Variants in DPP10 observed in about 807,000 individuals in gnomAD.
DPP10 encodes the protein dipeptidyl peptidase like 10, also known as inactive dipeptidyl peptidase 10.
In DPP10, 33 loss-of-function variants were observed where a neutral mutation model predicts 120.9. That is an observed-to-expected ratio of 0.27 (90% CI 0.21 to 0.37). The LOEUF is 0.37. Ranked by LOEUF, DPP10 falls within the 10% of genes least tolerant of loss-of-function variation. DPP10 has a pLI of 1.00. For missense variants in DPP10, 816 were observed against 942.8 expected (o/e 0.87, Z 1.76); for synonymous variants, 337 against 326.1 (o/e 1.03, Z -0.36).
intron 1 of DPP10, among the ~76,000 whole-genome samples, chr2:114,858,497 T>C (rs1168691167): frequency 6.6e-6 from 1 of 152,254 alleles, no homozygotes; most frequent in Non-Finnish European, 1.5e-5. Flanking sequence ...CACTTTCTCC[T>C]AGCCAACAGA....
At position 115,312,420 on chromosome 2, in the gene DPP10, A is replaced by G. The variant is rs571519473; in HGVS notation, c.175+3067A>G. On this transcript the variant is annotated intron_variant, in intron 2 of 25. Coordinates refer to ENST00000410059, the MANE Select transcript of DPP10 (RefSeq NM_020868.6). ...TGTCAGAGTAATACATAAGGCCAGA[A>G]GACTAATAGTTTGCAGCTCAAGACT... Among the ~76,000 whole-genome samples the G allele has an allele frequency of 6.6e-5, 10 of 152,314 alleles. No individual in the cohort carries two copies. The South Asian group carries it at 2.1e-3, about 32-fold the overall frequency.
At chr2:115,288,913 T>C (rs2060521341) in intron 1 of DPP10, among the ~76,000 whole-genome samples, 1 of 152,144 alleles carries the variant, frequency 6.6e-6, no homozygotes, top group African/African-American at 2.4e-5. Flanking sequence ...TCCCTACTTC[T>C]ATTCAACACA....
In DPP10 at chr2:115,553,941, T is replaced by C. The variant is rs532466931; in HGVS notation, c.441+27969T>C. On this transcript the variant is annotated intron_variant, in intron 5 of 25. Transcript: ENST00000410059. Reference sequence around the variant, plus strand: ...TCAATGTTTCAGGTGAAGTGAATACTGGAGAGGGCCAGATTCAGGTTAGCT... The same window carrying C: ...TCAATGTTTCAGGTGAAGTGAATACCGGAGAGGGCCAGATTCAGGTTAGCT... Among the ~76,000 whole-genome samples the C allele has an allele frequency of 2.6e-5, 4 of 151,412 alleles. No individual in the cohort carries two copies. The East Asian group carries it at 5.9e-4, about 22-fold the overall frequency.
intron 1 of DPP10, among the ~76,000 whole-genome samples, chr2:114,838,134 G>A (rs2106436859): frequency 6.6e-6 from 1 of 152,198 alleles, no homozygotes; most frequent in South Asian, 2.1e-4. Flanking sequence ...GGGCCAGATT[G>A]GTCTGTGGCC....
intron 1 of DPP10, among the ~76,000 whole-genome samples, chr2:114,761,632 G>A (rs1680293435): frequency 6.6e-6 from 1 of 151,832 alleles, no homozygotes; most frequent in Non-Finnish European, 1.5e-5. Flanking sequence ...GGGACTTGAG[G>A]AGCAGCGGGG....
intron 1 of DPP10, among the ~76,000 whole-genome samples, chr2:114,665,049 G>A (rs992111132): frequency 3.3e-5 from 5 of 152,076 alleles, no homozygotes; most frequent in Non-Finnish European, 7.3e-5. Context: ...TGGTATGGGG[G>A]TTGCTGAGGG....
intron 1 of DPP10, among the ~76,000 whole-genome samples, chr2:114,994,272 A>C (rs1700939669): frequency 6.6e-6 from 1 of 152,186 alleles, no homozygotes; most frequent in African/African-American, 2.4e-5. Flanking sequence ...GGGTAAATGC[A>C]ATTACTATGT....
chr2:115,314,436 C>T (rs1189177060), intron 2 of DPP10, among the ~76,000 whole-genome samples: 1 of 152,158 alleles, frequency 6.6e-6, no homozygotes, highest in Non-Finnish European at 1.5e-5. Flanking sequence ...CCCAATTACC[C>T]TCTGTTACAA....
At chr2:114,742,497 T>C (rs1678162594) in intron 1 of DPP10, among the ~76,000 whole-genome samples, 1 of 152,240 alleles carries the variant, frequency 6.6e-6, no homozygotes. Context: ...TTTTTTTTCT[T>C]TTAATACATG....
At chr2:115,469,440 A>G (rs755849748) in intron 3 of DPP10, among the ~76,000 whole-genome samples, 27 of 152,198 alleles carry the variant, frequency 1.8e-4, no homozygotes, top group African/African-American at 4.3e-4. Flanking sequence ...TTTAGCCTAT[A>G]ATCAGTTTTA....
At chr2:114,897,238 A>T (rs1018427507) in intron 1 of DPP10, among the ~76,000 whole-genome samples, 1 of 152,190 alleles carries the variant, frequency 6.6e-6, no homozygotes, top group Non-Finnish European at 1.5e-5. Context: ...TATCAGGATG[A>T]TGCTGGCCTC....
Position 115,181,386 on chromosome 2 carries a change from A to G in DPP10, c.61-127853A>G, listed in dbSNP as rs2054068349. On this transcript the variant is annotated intron_variant, in intron 1 of 25. Transcript: ENST00000410059. ...CAGGAGTTCAGGTGGCTTGGTGGGC[A>G]GTGCTTCTGGTTCAAGTGTGTTGTT... is the stretch of plus-strand genomic sequence containing the variant. Among the ~76,000 whole-genome samples, 2 of 152,188 alleles carry G rather than the reference A, an allele frequency of 1.3e-5. 1 individual carries two copies. The highest frequency in any genetic ancestry group is 6.3e-3 in the Middle Eastern group (2 of 316).
chr2:115,499,680 A>G, intron 4 of DPP10, 76 bp downstream of exon 4: 3 of 1,021,938 alleles, frequency 2.9e-6, no homozygotes, highest in South Asian at 1.8e-5. Flanking sequence ...ATAACTTTCT[A>G]TTCTTCAGCT....
chr2:114,947,046 A>T (rs1028211627), intron 1 of DPP10, among the ~76,000 whole-genome samples: 5 of 152,118 alleles, frequency 3.3e-5, no homozygotes, highest in Admixed American at 2.0e-4. Flanking sequence ...TGAACATTTC[A>T]TCTAAACGTT....
intron 1 of DPP10, among the ~76,000 whole-genome samples, chr2:114,541,430 G>A (rs1487002765): frequency 6.6e-6 from 1 of 152,072 alleles, no homozygotes; most frequent in African/African-American, 2.4e-5. Flanking sequence ...AGGAATTCCG[G>A]AATTCCATAC....
At position 115,055,350 on chromosome 2, in the gene DPP10, C is replaced by G. The variant is rs151316004; in HGVS notation, c.61-253889C>G. Among the ~76,000 whole-genome samples the G allele has an allele frequency of 3.3e-3, 508 of 152,234 alleles. 6 individuals are homozygous for G. Among genetic ancestry groups the G allele is most frequent in the African/African-American group, 0.012 (485 of 41,542 alleles). Reference sequence around the variant, plus strand: ...AGAAGCAATACTAATAAAACTTACTCCAAAGACTACCACTGGAAATGTTTT... The same window carrying G: ...AGAAGCAATACTAATAAAACTTACTGCAAAGACTACCACTGGAAATGTTTT... On this transcript the variant is annotated intron_variant, in intron 1 of 25. Transcript: ENST00000410059.
intron 21 of DPP10, among the ~76,000 whole-genome samples, chr2:115,832,430 C>T (rs72830513): frequency 0.1 from 15,931 of 152,116 alleles, 1,083 homozygotes; most frequent in Non-Finnish European, 0.15. Flanking sequence ...GCAGCGGTTG[C>T]GATGAGCAGA....
intron 1 of DPP10, among the ~76,000 whole-genome samples, chr2:114,505,462 T>G (rs13390741): frequency 0.04 from 5,784 of 144,976 alleles, 364 homozygotes; most frequent in African/African-American, 0.14. Context: ...AATTTATGTG[T>G]TTTTTTTTTT....
intron 1 of DPP10, among the ~76,000 whole-genome samples, chr2:114,904,804 T>C (rs577367588): frequency 6.6e-6 from 1 of 152,122 alleles, no homozygotes; most frequent in Non-Finnish European, 1.5e-5. Flanking sequence ...GAGAGAGAAA[T>C]GGCCCCAAGA....
Sources: allele counts gnomAD v4.1 joint callset (sites outside exome capture counted in the v4.1 genomes callset), GRCh38; gene constraint gnomAD v4.1.1; transcripts MANE v1.5; gene names NCBI Gene and HGNC (gene_info 2026-07-23, HGNC 2026-07-21).